Variants in LYRM4 observed in about 807,000 individuals in gnomAD.
LYRM4 encodes the protein LYR motif containing 4, also known as LYR motif-containing protein 4.
A neutral mutation model predicts 11.7 loss-of-function variants in LYRM4; 9 were observed. The ratio of observed to expected loss-of-function variants is 0.77; its 90% CI spans 0.46 to 1.34. The LOEUF (loss-of-function observed/expected upper bound fraction) is 1.34, where lower values mean the gene tolerates loss of function less well. Ranked by LOEUF, LYRM4 falls within the 40% of genes most tolerant of loss-of-function variation. The probability of loss-of-function intolerance (pLI) is 0.00; values close to 1 mark genes in which losing one functional copy is unlikely to be tolerated. For missense variants in LYRM4, 133 were observed against 112.5 expected, an observed-to-expected ratio of 1.18 and a Z score of -0.82; for synonymous variants, 42 against 40.4, an observed-to-expected ratio of 1.04 and a Z score of -0.15.
the LYRM4 span, chr6:5,066,925 C>T: frequency 4.4e-6 from 5 of 1,129,424 alleles, no homozygotes; most frequent in Non-Finnish European, 6.1e-6. Flanking sequence ...AAGCGACCAG[C>T]GCCCCCCAAG....
At chr6:5,126,710 G>C (rs1156625814) in intron 2 of LYRM4, among the ~76,000 whole-genome samples, 1 of 152,204 alleles carries the variant, frequency 6.6e-6, no homozygotes, top group South Asian at 2.1e-4. Flanking sequence ...ATTATGCTAA[G>C]TGATAGAAGC....
At chr6:5,242,524 A>C (rs1581586746) in intron 1 of LYRM4, among the ~76,000 whole-genome samples, 1 of 151,426 alleles carries the variant, frequency 6.6e-6, no homozygotes, top group Admixed American at 6.6e-5. Context: ...GTTCGAGACC[A>C]GCCTGACCAA....
At chr6:5,137,207 T>C (rs1162855329) in intron 2 of LYRM4, among the ~76,000 whole-genome samples, 5 of 152,244 alleles carry the variant, frequency 3.3e-5, no homozygotes, top group Non-Finnish European at 5.9e-5. Flanking sequence ...TTTTATTGTA[T>C]GGCTATACCA....
chr6:5,229,762 C>T (rs1049506968), intron 1 of LYRM4, among the ~76,000 whole-genome samples: 2 of 152,102 alleles, frequency 1.3e-5, no homozygotes, highest in Non-Finnish European at 2.9e-5. Flanking sequence ...AAGAAAGGTT[C>T]TATGGGGTCT....
intron 1 of LYRM4, among the ~76,000 whole-genome samples, chr6:5,231,940 G>C (rs1371048501): frequency 6.6e-6 from 1 of 152,090 alleles, no homozygotes; most frequent in Admixed American, 6.5e-5. Flanking sequence ...TTGTGTGTTA[G>C]GATTTATTTT....
chr6:5,158,671 C>T (rs781680650), intron 2 of LYRM4, among the ~76,000 whole-genome samples: 2 of 152,090 alleles, frequency 1.3e-5, no homozygotes, highest in East Asian at 3.9e-4. Flanking sequence ...GAGGGTCCCA[C>T]TATGTTGCCC....
At chr6:5,148,606 T>G (rs1459052525) in intron 2 of LYRM4, among the ~76,000 whole-genome samples, 1 of 146,346 alleles carries the variant, frequency 6.8e-6, no homozygotes, top group Non-Finnish European at 1.5e-5. Flanking sequence ...ATAGAAAGTA[T>G]TTTTTAATGA....
intron 2 of LYRM4, among the ~76,000 whole-genome samples, chr6:5,193,451 CAGAT>C (rs966315991): frequency 3.9e-5 from 6 of 152,146 alleles, no homozygotes; most frequent in African/African-American, 1.4e-4. Context: ...TAATAATCCT[CAGAT>C]AGAGCAGTGA....
chr6:5,109,798 C>CAGAT (rs1465550261), intron 2 of LYRM4, among the ~76,000 whole-genome samples: 2 of 152,232 alleles, frequency 1.3e-5, no homozygotes, highest in Non-Finnish European at 2.9e-5. Flanking sequence ...GCAGAGCTGT[C>CAGAT]AGATGTGTGC....
chr6:5,096,678 G>T, the LYRM4 span, among the ~76,000 whole-genome samples: 1 of 152,170 alleles, frequency 6.6e-6, no homozygotes, highest in African/African-American at 2.4e-5. Context: ...TTAAAATAGT[G>T]TGAGTGAGTT....
At chr6:5,102,191 C>T (rs549881581), downstream of LYRM4, among the ~76,000 whole-genome samples, 3 of 151,786 alleles carry the variant, frequency 2.0e-5, no homozygotes, top group Admixed American at 2.0e-4. Context: ...TACAGAACCA[C>T]AAGGAAGTGT....
intron 2 of LYRM4, among the ~76,000 whole-genome samples, chr6:5,179,971 T>C (rs1277783345): frequency 2.0e-5 from 3 of 152,236 alleles, no homozygotes; most frequent in East Asian, 1.9e-4. Flanking sequence ...AGAATCTTAC[T>C]GTGCCAGTCA....
the LYRM4 span, among the ~76,000 whole-genome samples, chr6:5,079,511 T>A: frequency 2.6e-5 from 4 of 152,202 alleles, no homozygotes; most frequent in Non-Finnish European, 5.9e-5. Flanking sequence ...TATTTTGGGG[T>A]CACGTGTTCT....
chr6:5,114,469 T>C (rs752845167), intron 2 of LYRM4, among the ~76,000 whole-genome samples: 6 of 152,190 alleles, frequency 3.9e-5, no homozygotes, highest in Non-Finnish European at 8.8e-5. Flanking sequence ...ATAGGACTAA[T>C]GAAACGAAGG....
chr6:5,056,468 A>G, the LYRM4 span, among the ~76,000 whole-genome samples: 6 of 152,222 alleles, frequency 3.9e-5, no homozygotes, highest in African/African-American at 9.6e-5. Context: ...CATTACAGTC[A>G]GTTTATCTTG....
intron 2 of LYRM4, chr6:5,136,934 T>C (rs1561820732): frequency 1.5e-6 from 1 of 665,630 alleles, no homozygotes; most frequent in Non-Finnish European, 1.9e-6. Flanking sequence ...ATTACCACAA[T>C]CAATTTTAGA....
At chr6:5,135,650 C>T (rs1045331294) in intron 2 of LYRM4, among the ~76,000 whole-genome samples, 2 of 152,096 alleles carry the variant, frequency 1.3e-5, no homozygotes, top group African/African-American at 4.8e-5. Flanking sequence ...CCTCCAAAGA[C>T]GAGAACTTTC....
intron 2 of LYRM4, among the ~76,000 whole-genome samples, chr6:5,132,240 C>G (rs1232559014): frequency 6.6e-6 from 1 of 152,182 alleles, no homozygotes; most frequent in African/African-American, 2.4e-5. Context: ...TACTTAGTTT[C>G]TCACCGTTTT....
At chr6:5,141,981 G>A (rs966686360) in intron 2 of LYRM4, among the ~76,000 whole-genome samples, 3 of 152,060 alleles carry the variant, frequency 2.0e-5, no homozygotes, top group African/African-American at 7.2e-5. Flanking sequence ...TGCCATGATC[G>A]CTGAGGGTCT....
Sources: allele counts gnomAD v4.1 joint callset (sites outside exome capture counted in the v4.1 genomes callset), GRCh38; gene constraint gnomAD v4.1.1; transcripts MANE v1.5; gene names NCBI Gene and HGNC (gene_info 2026-07-23, HGNC 2026-07-21).